Variants in ZFHX4 observed in about 807,000 individuals in gnomAD.
The protein encoded by ZFHX4 is zinc finger homeobox 4.
Under a neutral mutation model 267.6 loss-of-function variants are expected in ZFHX4, and 56 were observed. The ratio of observed to expected loss-of-function variants is 0.21; its 90% CI spans 0.17 to 0.26. The LOEUF (loss-of-function observed/expected upper bound fraction) is 0.26, where lower values mean the gene tolerates loss of function less well. Among genes scored for constraint, ZFHX4 ranks in the 10% least tolerant of loss-of-function variants. The probability of loss-of-function intolerance (pLI) is 1.00; values close to 1 mark genes in which losing one functional copy is unlikely to be tolerated. For missense variants in ZFHX4, 4,332 were observed against 4,420.0 expected (o/e 0.98, Z 0.56); for synonymous variants, 1,778 against 1,665.6 (o/e 1.07, Z -1.64).
At chr8:76,686,304 T>A (rs561144952) in intron 1 of ZFHX4, among the ~76,000 whole-genome samples, 3 of 152,214 alleles carry the variant, frequency 2.0e-5, no homozygotes, top group Admixed American at 1.3e-4. Flanking sequence ...TCAAGATTCC[T>A]GTCTATTTGG....
intron 3 of ZFHX4, among the ~76,000 whole-genome samples, chr8:76,772,391 A>G (rs2131753946): frequency 6.6e-6 from 1 of 152,292 alleles, no homozygotes; most frequent in South Asian, 2.1e-4. Context: ...CTATTTATGA[A>G]TACTTGACCT....
At chr8:76,716,618 A>G (rs1050413096) in intron 3 of ZFHX4, among the ~76,000 whole-genome samples, 3 of 152,158 alleles carry the variant, frequency 2.0e-5, no homozygotes, top group Admixed American at 6.5e-5. Flanking sequence ...ATGGGAAAGT[A>G]GCCCATTTTC....
chr8:76,687,990 T>G (rs970617768), intron 1 of ZFHX4, among the ~76,000 whole-genome samples: 9 of 152,180 alleles, frequency 5.9e-5, no homozygotes, highest in African/African-American at 2.2e-4. Context: ...GTCCAAGACT[T>G]GAGAAAACAA....
Position 76,709,792 on chromosome 8 carries a change from CGTGTGTGTGCGT to C in ZFHX4, c.3093+1754_3093+1765del, listed in dbSNP as rs1486511081. 3.6e-5 allele frequency among the ~76,000 whole-genome samples: 5 copies of C among 139,584 alleles called. No homozygotes were observed. In the East Asian group the frequency reaches 7.1e-4, roughly 20 times the overall value. The allele number at this position is 139,584 out of a possible 152,430, so 91.6% of individuals were successfully genotyped here. A position where few individuals can be genotyped will look rare whatever the true frequency, so the allele number is the denominator to read the frequency against. ...TTAAATGTATGTGTGCGTGTGTGTGCGTGTGTGTGCGTGTGTGTGTGTGTGTGTGTGTGTGTG... is the reference window on the plus strand; with the variant it reads ...TTAAATGTATGTGTGCGTGTGTGTGCGTGTGTGTGTGTGTGTGTGTGTGTG... On this transcript the variant is annotated intron_variant, in intron 3 of 10. Coordinates refer to ENST00000651372, the MANE Select transcript of ZFHX4 (RefSeq NM_024721.5).
At chr8:76,778,721 T>G (rs1401484430) in intron 4 of ZFHX4, among the ~76,000 whole-genome samples, 1 of 152,104 alleles carries the variant, frequency 6.6e-6, no homozygotes, top group South Asian at 2.1e-4. Flanking sequence ...ACAGTGAAAT[T>G]TTTCCCCCCA....
rs185175994 is a variant in ZFHX4, at chr8:76,725,477, C to T, written c.3093+17429C>T. Among the ~76,000 whole-genome samples the T allele has an allele frequency of 7.2e-5, 11 of 152,066 alleles. No homozygotes were observed. The East Asian group carries it at 2.1e-3, about 29-fold the overall frequency. On this transcript the variant is annotated intron_variant, in intron 3 of 10. Transcript: ENST00000651372. ...CATTGGCAATACAGCTTATGTTTCACAAGAGACATAAACGAATCAAGAACC... is the reference window on the plus strand; with the variant it reads ...CATTGGCAATACAGCTTATGTTTCATAAGAGACATAAACGAATCAAGAACC...
intron 3 of ZFHX4, among the ~76,000 whole-genome samples, chr8:76,744,478 T>A (rs886081131): frequency 6.6e-6 from 1 of 151,890 alleles, no homozygotes; most frequent in Non-Finnish European, 1.5e-5. Context: ...AGTGGTGCAA[T>A]CTCAGCTCAC....
chr8:76,705,833 A>G lies in ZFHX4; in HGVS notation c.1745A>G (p.Glu582Gly). 1 of 1,613,884 alleles carries G rather than the reference A, an allele frequency of 6.2e-7. No individual in the cohort carries two copies. Among genetic ancestry groups the G allele is most frequent in the Non-Finnish European group, 8.5e-7 (1 of 1,179,862 alleles). The change falls in exon 2 of 11, where the codon GAA (glutamate) becomes GGA (glycine). Residue 582 changes from glutamate (E) to glycine (G), a missense_variant. Physicochemically the swap from Glu to Gly is moderately conservative, Grantham distance 98. Coordinates refer to ENST00000651372, the MANE Select transcript of ZFHX4 (RefSeq NM_024721.5). ...AHPSEIARGD[E>G]DSSATPHQHG... The stretch of plus-strand genomic sequence containing the variant: ...CCAAGTGAAATAGCCCGGGGAGACG[A>G]AGACAGTTCAGCCACTCCTCACCAG...
intron 4 of ZFHX4, among the ~76,000 whole-genome samples, chr8:76,794,318 A>T (rs550177521): frequency 6.6e-6 from 1 of 152,272 alleles, no homozygotes; most frequent in South Asian, 2.1e-4. Flanking sequence ...AAAATGGACA[A>T]CGAGGTTTTT....
At chr8:76,684,221 G>C (rs913962971) in intron 1 of ZFHX4, among the ~76,000 whole-genome samples, 1 of 151,768 alleles carries the variant, frequency 6.6e-6, no homozygotes, top group Non-Finnish European at 1.5e-5. Flanking sequence ...ATATTAAAGA[G>C]AATGAAGGTT....
chr8:76,839,120 A>G (rs1047662584), intron 5 of ZFHX4, among the ~76,000 whole-genome samples: 1 of 151,450 alleles, frequency 6.6e-6, no homozygotes, highest in Admixed American at 6.6e-5. Context: ...GGAAATAAGT[A>G]CAATTGGGTG....
intron 1 of ZFHX4, 57 bp from the exon 2 acceptor site, chr8:76,703,986 A>G: frequency 8.6e-7 from 1 of 1,157,970 alleles, no homozygotes; most frequent in South Asian, 1.6e-5. Flanking sequence ...ATGGGCTATT[A>G]GTGAGCTGTG....
intron 3 of ZFHX4, among the ~76,000 whole-genome samples, chr8:76,754,299 C>A (rs983766470): frequency 2.6e-5 from 4 of 152,116 alleles, no homozygotes; most frequent in African/African-American, 9.6e-5. Context: ...ACCAGCCTGG[C>A]CAACGTGACA....
chr8:76,705,511 G>C lies in ZFHX4; in HGVS notation c.1423G>C (p.Glu475Gln), dbSNP rs1287780692. 6.2e-7 allele frequency: 1 copy of C among 1,613,710 alleles called. No individual in the cohort carries two copies. The highest frequency in any genetic ancestry group is 2.2e-5 in the East Asian group (1 of 44,866). The change falls in exon 2 of 11, where the codon GAA becomes CAA. Residue 475 changes from glutamate to glutamine, a missense_variant. Transcript: ENST00000651372. The stretch of plus-strand genomic sequence containing the variant: ...CACTGAACCGGGAGATGAGGATGAA[G>C]AAGATGCGTACTCCAATGAACTTGA... ...EPTEPGDEDE[E>Q]DAYSNELDDE...
chr8:76,699,687 C>T (rs1413324703), intron 1 of ZFHX4, among the ~76,000 whole-genome samples: 2 of 146,964 alleles, frequency 1.4e-5, no homozygotes, highest in Non-Finnish European at 3.0e-5. Flanking sequence ...AGTGAGGTAG[C>T]GATAGTGGTG....
chr8:76,855,061 T>A lies in ZFHX4; in HGVS notation c.8140T>A (p.Leu2714Ile), dbSNP rs916720235. ...QAGYSLPPSP[L>I]ISTEDGGESP... is the part of the protein sequence containing the mutation. ...AGGTTACAGCTTGCCACCAAGCCCT[T>A]TAATATCCACCGAAGATGGGGGAGA... The change falls in exon 10 of 11, where the codon TTA becomes ATA. Residue 2714 changes from leucine (L) to isoleucine (I), a missense_variant. Physicochemically the swap from Leu to Ile is conservative, Grantham distance 5. Coordinates refer to ENST00000651372, the MANE Select transcript of ZFHX4 (RefSeq NM_024721.5). The A allele has an allele frequency of 6.2e-7, 1 of 1,613,792 alleles. No homozygotes were observed. The highest frequency in any genetic ancestry group is 8.5e-7 in the Non-Finnish European group (1 of 1,179,880).
In ZFHX4 at chr8:76,705,540, C is replaced by G. The variant is rs763547315; in HGVS notation, c.1452C>G (p.Asp484Glu). Residue 484 changes from aspartate to glutamate, a missense_variant, in exon 2 of 11, where the codon GAC becomes GAG. Asp to Glu is a conservative substitution (Grantham distance 45). Transcript: ENST00000651372. ...EEDAYSNELD[D>E]EEVLGELTDS... ...ATGCGTACTCCAATGAACTTGATGACGAGGAAGTATTAGGTGAACTCACCG... is the reference window on the plus strand; with the variant it reads ...ATGCGTACTCCAATGAACTTGATGAGGAGGAAGTATTAGGTGAACTCACCG... 2.5e-6 allele frequency: 4 copies of G among 1,613,456 alleles called. No individual in the cohort carries two copies. In the African/African-American group the frequency reaches 4.0e-5, roughly 16 times the overall value.
intron 1 of ZFHX4, among the ~76,000 whole-genome samples, chr8:76,685,941 T>C (rs536938097): frequency 4.3e-4 from 65 of 152,344 alleles, no homozygotes; most frequent in African/African-American, 1.4e-3. Flanking sequence ...GTGCAACGTT[T>C]CTTTTTATCC....
rs752704788 is a variant in ZFHX4 at position 76,705,923 on chromosome 8, G to A, written c.1835G>A (p.Gly612Asp). The A allele has an allele frequency of 1.7e-5, 27 of 1,613,524 alleles. No homozygotes were observed. Among genetic ancestry groups the A allele is most frequent in the Admixed American group, 5.0e-5 (3 of 59,962 alleles). Residue 612 changes from glycine to aspartate, a missense_variant, in exon 2 of 11, where the codon GGC (glycine) becomes GAC (aspartate). Coordinates refer to ENST00000651372, the MANE Select transcript of ZFHX4 (RefSeq NM_024721.5). Reference sequence around the variant, plus strand: ...GGAGGAGACGGCTCACCGGGCAGTGGCATCGAGTGTCCAAAGTGCGACACT... The same window carrying A: ...GGAGGAGACGGCTCACCGGGCAGTGACATCGAGTGTCCAAAGTGCGACACT... Reference protein sequence around the residue: ...GPGGDGSPGSGIECPKCDTVL... With the variant: ...GPGGDGSPGSDIECPKCDTVL...
Sources: gnomAD v4.1 joint callset for allele counts (sites outside exome capture counted in the v4.1 genomes callset) on GRCh38, gnomAD v4.1.1 for gene constraint, MANE v1.5 for transcripts, NCBI Gene and HGNC (gene_info 2026-07-23, HGNC 2026-07-21) for gene names.